The following ANO3 variants were observed in gnomAD, a reference collection of about 807,000 sequenced individuals.
ANO3 encodes the protein anoctamin 3.
A neutral mutation model predicts 144.8 loss-of-function variants in ANO3; 99 were observed. The ratio of observed to expected loss-of-function variants is 0.68; its 90% confidence interval spans 0.58 to 0.81. The LOEUF (loss-of-function observed/expected upper bound fraction) is 0.81. Among genes scored for constraint, ANO3 ranks in the 30% least tolerant of loss-of-function variants. The pLI is 0.00. For synonymous variants in ANO3, 414 were observed against 392.6 expected (o/e 1.05, Z -0.64); for missense variants, 905 against 1,202.2 (o/e 0.75, Z 3.66).
chr11:26,344,667 A>G (rs2133904341), intron 1 of ANO3, among the ~76,000 whole-genome samples: 1 of 152,036 alleles, frequency 6.6e-6, no homozygotes, highest in East Asian at 1.9e-4. Flanking sequence ...GCCCCACCAA[A>G]ATATTGTCTT....
chr11:26,660,368 T>A lies in ANO3; in HGVS notation c.2870T>A (p.Met957Lys). 1 of 1,613,356 alleles carries A rather than the reference T, an allele frequency of 6.2e-7. No individual in the cohort carries two copies. The highest frequency in any genetic ancestry group is 8.5e-7 in the Non-Finnish European group (1 of 1,179,604). ...GAGAAGTACTTAGTTCAAGAAATGA[T>A]GTATGAGGCTGAACTGGAACATTTG... The part of the protein sequence containing the change: ...RREKYLVQEM[M>K]YEAELEHLQQ... Residue 957 changes from methionine (M) to lysine (K), a missense_variant, in exon 27 of 27, where the codon ATG (methionine) becomes AAG (lysine). This residue lies in a region of ANO3 where 597 missense variants were observed against 865.1 expected (regional missense o/e 0.69). Coordinates refer to ENST00000256737, the MANE Select transcript of ANO3 (RefSeq NM_031418.4).
chr11:26,369,079 T>C (rs1415152149), intron 1 of ANO3, among the ~76,000 whole-genome samples: 1 of 152,120 alleles, frequency 6.6e-6, no homozygotes, highest in Non-Finnish European at 1.5e-5. Context: ...TTTTTAAAAT[T>C]ATAAGTCAGC....
At chr11:26,460,101 C>T (rs928695153) in intron 3 of ANO3, 1 of 454,268 alleles carries the variant, frequency 2.2e-6, no homozygotes, top group African/African-American at 2.0e-5. Flanking sequence ...AAACCATATC[C>T]AAGTCATAGC....
intron 4 of ANO3, among the ~76,000 whole-genome samples, chr11:26,505,039 A>G (rs1353290839): frequency 8.8e-6 from 1 of 113,744 alleles, no homozygotes; most frequent in African/African-American, 3.0e-5. Context: ...AAAAAAAAAA[A>G]GAAGAGAAAA....
chr11:26,362,225 G>T (rs1318082932), intron 1 of ANO3, among the ~76,000 whole-genome samples: 1 of 151,972 alleles, frequency 6.6e-6, no homozygotes, highest in African/African-American at 2.4e-5. Context: ...TGCCAATTTT[G>T]CTTTGACACA....
chr11:26,325,284 T>C (rs114444506), intron 1 of ANO3, among the ~76,000 whole-genome samples: 2,544 of 152,254 alleles, frequency 0.017, 33 homozygotes, highest in Middle Eastern at 0.041. Flanking sequence ...ATATATATCC[T>C]AGCTGAATTT....
intron 1 of ANO3, among the ~76,000 whole-genome samples, chr11:26,197,694 T>C (rs1851617187): frequency 6.6e-6 from 1 of 152,080 alleles, no homozygotes; most frequent in South Asian, 2.1e-4. Flanking sequence ...AAATGTAAGC[T>C]TTAGAAACGT....
intron 1 of ANO3, among the ~76,000 whole-genome samples, chr11:26,291,654 T>A (rs1251182889): frequency 6.6e-6 from 1 of 152,230 alleles, no homozygotes; most frequent in African/African-American, 2.4e-5. Flanking sequence ...ATTTTATTTC[T>A]CCTTCACTTA....
chr11:26,634,103 ATT>A, intron 18 of ANO3, 99 bp from the exon 19 acceptor site: 1 of 564,372 alleles, frequency 1.8e-6, no homozygotes. Context: ...AAAAAATTAA[ATT>A]AAAAAGACAA....
At chr11:26,436,168 T>C (rs1439134102) in intron 1 of ANO3, among the ~76,000 whole-genome samples, 2 of 152,258 alleles carry the variant, frequency 1.3e-5, no homozygotes, top group East Asian at 1.9e-4. Flanking sequence ...ACTTTTCCAG[T>C]AGATGGGTGC....
intron 12 of ANO3, 101 bp downstream of exon 12, chr11:26,547,651 A>T (rs1254475314): frequency 1.2e-5 from 13 of 1,104,778 alleles, no homozygotes; most frequent in Non-Finnish European, 1.3e-5. Context: ...GGTTGATGAT[A>T]CTACAATTTA....
intron 1 of ANO3, among the ~76,000 whole-genome samples, chr11:26,373,748 G>A (rs570546146): frequency 1.2e-4 from 18 of 152,232 alleles, no homozygotes; most frequent in African/African-American, 4.3e-4. Flanking sequence ...TGGCATGCAT[G>A]CATCGTACAT....
At chr11:26,653,292 CA>C (rs1853587986) in intron 24 of ANO3, among the ~76,000 whole-genome samples, 1 of 152,126 alleles carries the variant, frequency 6.6e-6, no homozygotes, top group Admixed American at 6.6e-5. Context: ...CAATTAACAG[CA>C]ATTTCATATT....
chr11:26,245,063 A>T (rs1051883415), intron 1 of ANO3, among the ~76,000 whole-genome samples: 1 of 151,088 alleles, frequency 6.6e-6, no homozygotes, highest in Non-Finnish European at 1.5e-5. Context: ...TTTTTAAAAA[A>T]TAATTCCAAC....
At chr11:26,620,306 T>A (rs1852377854) in intron 17 of ANO3, among the ~76,000 whole-genome samples, 1 of 152,184 alleles carries the variant, frequency 6.6e-6, no homozygotes, top group South Asian at 2.1e-4. Context: ...GACAGCTGCC[T>A]GGTCTCATGA....
intron 4 of ANO3, among the ~76,000 whole-genome samples, chr11:26,507,840 A>G (rs2134136289): frequency 6.6e-6 from 1 of 152,318 alleles, no homozygotes; most frequent in Non-Finnish European, 1.5e-5. Flanking sequence ...TATTGAATAA[A>G]ACATATGCAT....
At position 26,536,747 on chromosome 11, in the gene ANO3, AATTG is replaced by A. The variant is rs1476060035; in HGVS notation, c.977-654_977-651del. Among the ~76,000 whole-genome samples the A allele has an allele frequency of 2.6e-5, 4 of 152,248 alleles. No homozygotes were observed. In the South Asian group the frequency reaches 8.3e-4, roughly 32 times the overall value. On this transcript the variant is annotated intron_variant, in intron 9 of 26. Transcript: ENST00000256737. ...CTATTATTTACTATGTACCTATTAT[AATTG>A]ATTGTGCTATAAAAATTAAATGATT...
intron 1 of ANO3, among the ~76,000 whole-genome samples, chr11:26,312,068 C>T (rs962239996): frequency 6.6e-6 from 1 of 152,158 alleles, no homozygotes; most frequent in South Asian, 2.1e-4. Flanking sequence ...TCTCACAATT[C>T]CCACCTATGA....
intron 1 of ANO3, among the ~76,000 whole-genome samples, chr11:26,319,541 T>A (rs1854709381): frequency 6.6e-6 from 1 of 152,192 alleles, no homozygotes; most frequent in South Asian, 2.1e-4. Context: ...GGTCATCACT[T>A]ATGGCTGCTT....
Sources: allele counts gnomAD v4.1 joint callset (sites outside exome capture counted in the v4.1 genomes callset), GRCh38; gene constraint gnomAD v4.1.1; regional missense constraint gnomAD v4.1.1; transcripts MANE v1.5; gene names NCBI Gene and HGNC (gene_info 2026-07-23, HGNC 2026-07-21).